The following RIMS1 variants were observed in gnomAD, a reference collection of about 807,000 sequenced individuals.
The protein encoded by RIMS1 is regulating synaptic membrane exocytosis 1, also known as regulating synaptic membrane exocytosis protein 1.
RIMS1 carries 83 observed loss-of-function variants against 214.1 expected under a neutral mutation model. The observed-to-expected ratio is 0.39, with a 90% CI of 0.32 to 0.47. The LOEUF is 0.47. Among genes scored for constraint, RIMS1 ranks in the 20% least tolerant of loss-of-function variants. The probability of loss-of-function intolerance (pLI) is 0.99; values close to 1 mark genes in which losing one functional copy is unlikely to be tolerated. For missense variants in RIMS1, 2,050 were observed against 2,161.8 expected (o/e 0.95, Z 1.03); for synonymous variants, 793 against 786.8 (o/e 1.01, Z -0.13).
intron 2 of RIMS1, among the ~76,000 whole-genome samples, chr6:72,040,833 T>G (rs145244911): frequency 1.1e-4 from 16 of 152,046 alleles, no homozygotes; most frequent in African/African-American, 3.6e-4. Flanking sequence ...TGAACTTTAA[T>G]TTTATAAATT....
intron 1 of RIMS1, among the ~76,000 whole-genome samples, chr6:71,890,293 T>C (rs1220455173): frequency 7.0e-6 from 1 of 143,366 alleles, no homozygotes; most frequent in Non-Finnish European, 1.5e-5. Flanking sequence ...TTAAGTTTAA[T>C]GGCCATATAA....
At chr6:71,932,962 G>A (rs1039448672) in intron 1 of RIMS1, among the ~76,000 whole-genome samples, 1 of 152,126 alleles carries the variant, frequency 6.6e-6, no homozygotes, top group Non-Finnish European at 1.5e-5. Context: ...ATACTTTTAT[G>A]TGCAAGGTGC....
At chr6:72,066,562 C>T (rs999781268) in intron 2 of RIMS1, among the ~76,000 whole-genome samples, 2 of 152,100 alleles carry the variant, frequency 1.3e-5, no homozygotes, top group African/African-American at 4.8e-5. Context: ...TAACTCTTCC[C>T]TGTGCTCAAA....
chr6:72,223,411 A>C (rs1316701001), intron 6 of RIMS1, among the ~76,000 whole-genome samples: 3 of 152,260 alleles, frequency 2.0e-5, no homozygotes, highest in Non-Finnish European at 2.9e-5. Context: ...TATTGTGTAC[A>C]TATCATTTAG....
chr6:72,060,580 T>G (rs552533425), intron 2 of RIMS1, among the ~76,000 whole-genome samples: 9 of 152,286 alleles, frequency 5.9e-5, no homozygotes, highest in African/African-American at 2.2e-4. Flanking sequence ...GCTTGTACAT[T>G]TATACCTCTT....
At chr6:72,210,688 A>G (rs1429177324) in intron 6 of RIMS1, among the ~76,000 whole-genome samples, 1 of 152,162 alleles carries the variant, frequency 6.6e-6, no homozygotes. Context: ...TTTGATTATT[A>G]TTGCTTTTGT....
intron 6 of RIMS1, among the ~76,000 whole-genome samples, chr6:72,232,465 C>T (rs1460813057): frequency 2.6e-5 from 4 of 151,378 alleles, no homozygotes; most frequent in African/African-American, 9.7e-5. Context: ...ACTGAGGTGG[C>T]CCAGTAGGAG....
intron 4 of RIMS1, among the ~76,000 whole-genome samples, chr6:72,154,400 G>T (rs1483401857): frequency 7.1e-6 from 1 of 140,592 alleles, no homozygotes; most frequent in African/African-American, 2.5e-5. Flanking sequence ...AGATTCACCT[G>T]TCAAGGAATT....
intron 1 of RIMS1, among the ~76,000 whole-genome samples, chr6:71,934,237 A>G (rs903932600): frequency 7.2e-5 from 11 of 152,198 alleles, no homozygotes; most frequent in South Asian, 2.1e-4. Flanking sequence ...TTTAAAACAC[A>G]TAACTGTTGT....
intron 2 of RIMS1, among the ~76,000 whole-genome samples, chr6:72,068,146 G>A (rs1489055430): frequency 2.0e-5 from 3 of 149,244 alleles, no homozygotes; most frequent in East Asian, 3.9e-4. Flanking sequence ...CCACAGGGCA[G>A]GGGACCAATT....
chr6:72,147,169 AT>A (rs1162361704), intron 4 of RIMS1, among the ~76,000 whole-genome samples: 1 of 152,240 alleles, frequency 6.6e-6, no homozygotes, highest in African/African-American at 2.4e-5. Context: ...TTAAAGTCAT[AT>A]GAATTAAAAG....
At chr6:72,319,596 CTCAGTACT>C (rs1320923081) in intron 28 of RIMS1, among the ~76,000 whole-genome samples, 2 of 152,110 alleles carry the variant, frequency 1.3e-5, no homozygotes, top group Non-Finnish European at 2.9e-5. Context: ...TCAGCTATGG[CTCAGTACT>C]TCTACTAACC....
chr6:72,099,606 A>G (rs1418596341), intron 3 of RIMS1, among the ~76,000 whole-genome samples: 1 of 152,270 alleles, frequency 6.6e-6, no homozygotes, highest in East Asian at 1.9e-4. Context: ...ATACAATTTT[A>G]TGCATTTTAA....
intron 2 of RIMS1, among the ~76,000 whole-genome samples, chr6:72,061,271 CTG>C (rs1214069549): frequency 6.6e-6 from 1 of 152,098 alleles, no homozygotes; most frequent in Non-Finnish European, 1.5e-5. Context: ...TATAAAAAAA[CTG>C]TTAATTCAAA....
At chr6:71,940,324 G>T (rs996448521) in intron 1 of RIMS1, among the ~76,000 whole-genome samples, 3 of 152,162 alleles carry the variant, frequency 2.0e-5, no homozygotes, top group Non-Finnish European at 2.9e-5. Context: ...TGGAAATTCT[G>T]CTAAACACAG....
At chr6:71,937,354 A>G (rs1784754820) in intron 1 of RIMS1, among the ~76,000 whole-genome samples, 1 of 152,144 alleles carries the variant, frequency 6.6e-6, no homozygotes, top group South Asian at 2.1e-4. Flanking sequence ...TCAACCTCCC[A>G]GGCTCAAGCG....
At chr6:72,088,611 C>G (rs967057470) in intron 2 of RIMS1, among the ~76,000 whole-genome samples, 2 of 152,110 alleles carry the variant, frequency 1.3e-5, no homozygotes, top group African/African-American at 2.4e-5. Context: ...TCATGTTGCT[C>G]TCATAGAAGC....
chr6:72,295,270 C>T (rs2154259706), intron 26 of RIMS1, among the ~76,000 whole-genome samples: 1 of 151,600 alleles, frequency 6.6e-6, no homozygotes, highest in East Asian at 1.9e-4. Context: ...GGATATAAAG[C>T]CTTATAAAAT....
rs185914907 is a variant in RIMS1 at position 72,237,937 on chromosome 6, T to C, written c.1957+15T>C. 2.3e-5 allele frequency: 36 copies of C among 1,566,112 alleles called. No individual in the cohort carries two copies. The highest frequency in any genetic ancestry group is 9.5e-5 in the African/African-American group (7 of 73,334). On this transcript the variant is annotated intron_variant, in intron 9 of 33. Coordinates refer to ENST00000521978, the MANE Select transcript of RIMS1 (RefSeq NM_014989.7). ...CCTAAGAGCAGGTAAAGTTTCTTTT[T>C]TTAATATTTAAACAGTGTGTTCTCC...
Sources: allele counts gnomAD v4.1 joint callset (sites outside exome capture counted in the v4.1 genomes callset), GRCh38; gene constraint gnomAD v4.1.1; transcripts MANE v1.5; gene names NCBI Gene and HGNC (gene_info 2026-07-23, HGNC 2026-07-21).